The following GRIK1 variants were observed in gnomAD, a reference collection of about 807,000 sequenced individuals.
The protein encoded by GRIK1 is glutamate receptor ionotropic, kainate 1.
In GRIK1, 69 loss-of-function variants were observed where a neutral mutation model predicts 105.7. That is an observed-to-expected ratio of 0.65 (90% CI 0.54 to 0.80). The LOEUF is 0.80. Among genes scored for constraint, GRIK1 ranks in the 30% least tolerant of loss-of-function variants. The probability of loss-of-function intolerance (pLI) is 0.00; values close to 1 mark genes in which losing one functional copy is unlikely to be tolerated. For missense variants in GRIK1, 1,109 were observed against 1,167.3 expected (o/e 0.95, Z 0.73); for synonymous variants, 438 against 431.3 (o/e 1.02, Z -0.19).
chr21:29,900,083 C>CA (rs10547423), intron 1 of GRIK1, among the ~76,000 whole-genome samples: 34 of 122,344 alleles, frequency 2.8e-4, no homozygotes, highest in African/African-American at 8.7e-4. Context: ...GACTCTGTCT[C>CA]AAAAAAAAAA....
chr21:29,807,865 C>T (rs947790038), intron 1 of GRIK1, among the ~76,000 whole-genome samples: 2 of 152,052 alleles, frequency 1.3e-5, no homozygotes, highest in African/African-American at 2.4e-5. Flanking sequence ...TTCCTGATAG[C>T]CTTGTCTGTG....
At chr21:29,872,557 C>A (rs2146142245) in intron 1 of GRIK1, among the ~76,000 whole-genome samples, 1 of 152,202 alleles carries the variant, frequency 6.6e-6, no homozygotes, top group South Asian at 2.1e-4. Flanking sequence ...GAAGAATAAA[C>A]CCTGTATTAG....
At chr21:29,745,164 G>A (rs1462538100) in intron 1 of GRIK1, among the ~76,000 whole-genome samples, 1 of 152,160 alleles carries the variant, frequency 6.6e-6, no homozygotes, top group African/African-American at 2.4e-5. Context: ...AAACAAGAGA[G>A]TATGTTGGAA....
intron 1 of GRIK1, among the ~76,000 whole-genome samples, chr21:29,840,202 TA>T (rs2067937486): frequency 6.6e-6 from 1 of 152,184 alleles, no homozygotes; most frequent in Non-Finnish European, 1.5e-5. Flanking sequence ...TTTTTTATTT[TA>T]ACTCAGAGTT....
intron 1 of GRIK1, among the ~76,000 whole-genome samples, chr21:29,853,847 A>C (rs2068380172): frequency 6.6e-6 from 1 of 152,348 alleles, no homozygotes; most frequent in East Asian, 1.9e-4. Flanking sequence ...GGAAACATAT[A>C]GCATGTCAGA....
At chr21:29,886,972 T>C (rs1489321821) in intron 1 of GRIK1, among the ~76,000 whole-genome samples, 4 of 152,132 alleles carry the variant, frequency 2.6e-5, no homozygotes, top group Admixed American at 2.6e-4. Context: ...TAGATTTATT[T>C]GGGGGGATGA....
At chr21:29,790,629 T>G (rs912253342) in intron 1 of GRIK1, among the ~76,000 whole-genome samples, 3 of 151,910 alleles carry the variant, frequency 2.0e-5, no homozygotes. Flanking sequence ...ATTTTTGTAT[T>G]TTTTGTAGAG....
At chr21:29,878,859 T>A (rs1364016609) in intron 1 of GRIK1, among the ~76,000 whole-genome samples, 2 of 152,094 alleles carry the variant, frequency 1.3e-5, no homozygotes, top group Non-Finnish European at 2.9e-5. Flanking sequence ...CTATTGTTTA[T>A]AAGTCACCGA....
chr21:29,762,509 T>C (rs2065553472), intron 1 of GRIK1, among the ~76,000 whole-genome samples: 1 of 152,232 alleles, frequency 6.6e-6, no homozygotes, highest in Non-Finnish European at 1.5e-5. Flanking sequence ...ATTTAAGTGA[T>C]AATTGCTATT....
At chr21:29,861,521 T>G (rs2068636713) in intron 1 of GRIK1, among the ~76,000 whole-genome samples, 4 of 152,134 alleles carry the variant, frequency 2.6e-5, no homozygotes, top group African/African-American at 4.8e-5. Flanking sequence ...TTGCCCAGGC[T>G]GGTCTCAAAC....
intron 1 of GRIK1, among the ~76,000 whole-genome samples, chr21:29,931,727 T>A (rs947312170): frequency 6.6e-6 from 1 of 152,002 alleles, no homozygotes; most frequent in Non-Finnish European, 1.5e-5. Flanking sequence ...GTTACTGGGG[T>A]ATCATTGTTC....
At chr21:29,714,301 G>C (rs992948716) in intron 1 of GRIK1, among the ~76,000 whole-genome samples, 6 of 152,026 alleles carry the variant, frequency 3.9e-5, no homozygotes, top group Non-Finnish European at 8.8e-5. Context: ...TAAGGGTAAT[G>C]ATGGATCTTA....
At chr21:29,725,721 C>T (rs564373652) in intron 1 of GRIK1, among the ~76,000 whole-genome samples, 1 of 152,240 alleles carries the variant, frequency 6.6e-6, no homozygotes, top group East Asian at 1.9e-4. Flanking sequence ...ATAAAGTATG[C>T]CTCACAACCT....
In GRIK1 at chr21:29,809,879, G is replaced by A. The variant is rs143395071; in HGVS notation, c.119-115816C>T. 3.2e-3 allele frequency among the ~76,000 whole-genome samples: 493 copies of A among 152,252 alleles called. 3 individuals are homozygous for A. The highest frequency in any genetic ancestry group is 0.012 in the African/African-American group (478 of 41,544). On this transcript the variant is annotated intron_variant, in intron 1 of 17. Transcript: ENST00000327783. Reference sequence around the variant, plus strand: ...TGTGTCTCAAGAAATAGGGAGGCCCGAGGAGATGAAGAGAAATGGAGGAAC... The same window carrying A: ...TGTGTCTCAAGAAATAGGGAGGCCCAAGGAGATGAAGAGAAATGGAGGAAC...
intron 1 of GRIK1, among the ~76,000 whole-genome samples, chr21:29,875,545 G>T (rs2069162333): frequency 6.6e-6 from 1 of 151,944 alleles, no homozygotes; most frequent in South Asian, 2.1e-4. Flanking sequence ...GTATCCTTAG[G>T]GGCTTCCACT....
intron 16 of GRIK1, among the ~76,000 whole-genome samples, chr21:29,542,033 G>A (rs1169764164): frequency 5.4e-5 from 1 of 18,576 alleles, no homozygotes; most frequent in African/African-American, 9.6e-5. Flanking sequence ...ATAATGTAGA[G>A]TGTGTGTGTG....
At chr21:29,644,142 C>T (rs1450726722) in intron 6 of GRIK1, among the ~76,000 whole-genome samples, 1 of 151,996 alleles carries the variant, frequency 6.6e-6, no homozygotes, top group East Asian at 1.9e-4. Flanking sequence ...ATTGATTGCT[C>T]ATGTCTTGGT....
chr21:29,602,336 A>T (rs998742848), intron 7 of GRIK1, among the ~76,000 whole-genome samples: 4 of 152,242 alleles, frequency 2.6e-5, no homozygotes, highest in Admixed American at 1.3e-4. Flanking sequence ...GGGAGAAAAG[A>T]CTACAGAATT....
chr21:29,880,819 C>T lies in GRIK1; in HGVS notation c.118+58564G>A, dbSNP rs185135147. On this transcript the variant is annotated intron_variant, in intron 1 of 17. Coordinates refer to ENST00000327783, the MANE Select transcript of GRIK1 (RefSeq NM_001330994.2). ...CCAGGAGCAGGGCATGAGCTCAGGC[C>T]CAACCATGGGTTTATGACTACAGCA... Among the ~76,000 whole-genome samples, 46 of 152,154 alleles carry T rather than the reference C, an allele frequency of 3.0e-4. No individual in the cohort carries two copies. In the East Asian group the frequency reaches 8.5e-3, roughly 28 times the overall value.
Sources: allele counts gnomAD v4.1 joint callset (sites outside exome capture counted in the v4.1 genomes callset), GRCh38; gene constraint gnomAD v4.1.1; transcripts MANE v1.5; gene names NCBI Gene and HGNC (gene_info 2026-07-23, HGNC 2026-07-21).